CFAP44: variants seen among roughly 807,000 people sequenced by gnomAD.
CFAP44 encodes the protein cilia and flagella associated protein 44.
CFAP44 carries 134 observed loss-of-function variants against 216.2 expected under a neutral mutation model. The observed-to-expected ratio is 0.62, with a 90% CI of 0.54 to 0.72. The LOEUF (loss-of-function observed/expected upper bound fraction) is 0.72. CFAP44 is among the 30% of genes least tolerant of loss of function. CFAP44 has a pLI of 0.00. For missense variants in CFAP44, 2,035 were observed against 2,182.1 expected, an observed-to-expected ratio of 0.93 and a Z score of 1.34; for synonymous variants, 700 against 727.6, an observed-to-expected ratio of 0.96 and a Z score of 0.61.
Position 113,366,187 on chromosome 3 carries a change from T to C in CFAP44, c.2567A>G (p.Asn856Ser), listed in dbSNP as rs1456955700. The C allele has an allele frequency of 6.2e-7, 1 of 1,614,112 alleles. No homozygotes were observed. The highest frequency in any genetic ancestry group is 1.7e-5 in the Admixed American group (1 of 60,020). The change falls in exon 19 of 35, where the codon AAT (asparagine) becomes AGT (serine). Residue 856 changes from asparagine (N) to serine (S), a missense_variant. Asn to Ser is a conservative substitution (Grantham distance 46). Around this residue, in one of 3 missense-constraint regions of CFAP44, gnomAD observed 1,883 missense variants for 2,023.7 expected, o/e 0.93. Coordinates refer to ENST00000393845, the MANE Select transcript of CFAP44 (RefSeq NM_001164496.2). The part of the protein sequence containing the change: ...VDYWHFNMHD[N>S]NYGCIKSIAN... ...AATACTTTTAATACATCCATAATTA[T>C]TGTCATGCATATTGAAGTGCCAGTA...
intron 22 of CFAP44, among the ~76,000 whole-genome samples, chr3:113,355,828 T>C (rs1423786376): frequency 6.6e-6 from 1 of 151,208 alleles, no homozygotes; most frequent in Non-Finnish European, 1.5e-5. Context: ...GCACCTACAA[T>C]GTAAAATTTA....
At chr3:113,400,124 T>C in intron 12 of CFAP44, 124 bp from the exon 13 acceptor site, 2 of 602,242 alleles carry the variant, frequency 3.3e-6, no homozygotes, top group Non-Finnish European at 5.3e-6. Flanking sequence ...AATAACTTTC[T>C]TTTGTAAAAA....
chr3:113,366,071 T>C lies in CFAP44; in HGVS notation c.2683A>G (p.Lys895Glu), dbSNP rs147025470. 27 of 1,613,566 alleles carry C rather than the reference T, an allele frequency of 1.7e-5. No homozygotes were observed. The African/African-American group carries it at 3.6e-4, about 22-fold the overall frequency. ...GATGGAACTTTGGCCTTCATGTCTT[T>C]CCTTAGCATAAATTCAGAAAAAATG... ...FNIFSEFMLR[K>E]DMKAKVPSPR... The change falls in exon 19 of 35, where the codon AAA becomes GAA. Residue 895 changes from lysine to glutamate, a missense_variant. Lys to Glu is a moderately conservative substitution (Grantham distance 56). Coordinates refer to ENST00000393845, the MANE Select transcript of CFAP44 (RefSeq NM_001164496.2).
chr3:113,373,701 T>A, intron 17 of CFAP44, 145 bp from the exon 18 acceptor site: 3 of 662,906 alleles, frequency 4.5e-6, no homozygotes, highest in Non-Finnish European at 6.7e-6. Flanking sequence ...TGATTATAGA[T>A]TTATTATTTC....
At chr3:113,436,231 T>A (rs1278963774) in intron 1 of CFAP44, among the ~76,000 whole-genome samples, 3 of 147,680 alleles carry the variant, frequency 2.0e-5, no homozygotes, top group Non-Finnish European at 4.5e-5. Context: ...CTACAGTGAG[T>A]AACTGTTTTT....
chr3:113,287,136 T>A lies in CFAP44; in HGVS notation c.*4421A>T. The A allele has an allele frequency of 2.2e-6, 1 of 462,304 alleles. No individual in the cohort carries two copies. Among genetic ancestry groups the A allele is most frequent in the Non-Finnish European group, 4.2e-6 (1 of 240,188 alleles). The allele number at this position is 462,304 out of a possible 1,614,324, so 28.6% of individuals were successfully genotyped here. ...GCTGGCGCGGGACAGACTCCTAACC[T>A]GGGGCCTCTGCAGTGGCAGGCGAGG... On this transcript the variant is annotated 3_prime_UTR_variant, in exon 35 of 35. Transcript: ENST00000393845.
At chr3:113,355,548 T>A (rs1356814689) in intron 22 of CFAP44, among the ~76,000 whole-genome samples, 1 of 152,112 alleles carries the variant, frequency 6.6e-6, no homozygotes, top group Non-Finnish European at 1.5e-5. Flanking sequence ...TAAAAAAGGA[T>A]GAGTTCATGT....
At chr3:113,406,611 G>A (rs1362918896) in intron 8 of CFAP44, among the ~76,000 whole-genome samples, 34 of 148,544 alleles carry the variant, frequency 2.3e-4, no homozygotes, top group Admixed American at 1.0e-3. Context: ...GCAACAGAGC[G>A]AGACCCTGTC....
intron 18 of CFAP44, among the ~76,000 whole-genome samples, chr3:113,370,411 C>T (rs775556094): frequency 4.6e-5 from 7 of 152,212 alleles, no homozygotes; most frequent in Non-Finnish European, 1.0e-4. Context: ...CCCTGGGATG[C>T]AAGGCTGGTT....
At chr3:113,391,685 G>C (rs575655280) in intron 15 of CFAP44, among the ~76,000 whole-genome samples, 1 of 151,624 alleles carries the variant, frequency 6.6e-6, no homozygotes, top group Non-Finnish European at 1.5e-5. Context: ...AATATATAAG[G>C]AGCCCAAACA....
At chr3:113,326,404 A>C (rs1950190017) in intron 28 of CFAP44, 41 bp downstream of exon 28, 1 of 1,441,584 alleles carries the variant, frequency 6.9e-7, no homozygotes, top group Non-Finnish European at 9.1e-7. Flanking sequence ...TTTCATGTTA[A>C]TGAGAGAAAA....
chr3:113,305,000 T>G, intron 31 of CFAP44, 36 bp downstream of exon 31: 3 of 1,523,498 alleles, frequency 2.0e-6, no homozygotes, highest in Non-Finnish European at 2.6e-6. Flanking sequence ...ATGACTCTTC[T>G]CGGACAGGAT....
chr3:113,391,949 T>C lies in CFAP44; in HGVS notation c.1890+3801A>G, dbSNP rs548482506. Reference sequence around the variant, plus strand: ...GTAAATTATACTGTTGGTAGGAATGTAAATTAGTACAACCACTATGGAGAA... The same window carrying C: ...GTAAATTATACTGTTGGTAGGAATGCAAATTAGTACAACCACTATGGAGAA... On this transcript the variant is annotated intron_variant, in intron 15 of 34. Transcript: ENST00000393845. 2.0e-4 allele frequency among the ~76,000 whole-genome samples: 31 copies of C among 152,254 alleles called. No individual in the cohort carries two copies. The South Asian group carries it at 6.4e-3, about 32-fold the overall frequency.
At chr3:113,410,539 G>A (rs538046049) in intron 6 of CFAP44, among the ~76,000 whole-genome samples, 39 of 152,056 alleles carry the variant, frequency 2.6e-4, no homozygotes, top group Non-Finnish European at 4.7e-4. Context: ...TCTTAATCCC[G>A]TCTATCATTG....
At chr3:113,384,494 T>G (rs1418514965) in intron 15 of CFAP44, among the ~76,000 whole-genome samples, 1 of 152,190 alleles carries the variant, frequency 6.6e-6, no homozygotes, top group Non-Finnish European at 1.5e-5. Flanking sequence ...TGGGGATAGA[T>G]CTTTAAAAGA....
At chr3:113,365,356 C>A (rs532336955) in intron 19 of CFAP44, among the ~76,000 whole-genome samples, 1 of 152,204 alleles carries the variant, frequency 6.6e-6, no homozygotes, top group African/African-American at 2.4e-5. Flanking sequence ...CCAATATGTT[C>A]AAAGGAATTT....
At chr3:113,379,048 C>A (rs1261919837) in intron 17 of CFAP44, among the ~76,000 whole-genome samples, 3 of 152,036 alleles carry the variant, frequency 2.0e-5, no homozygotes, top group African/African-American at 7.2e-5. Context: ...AATAGATAAT[C>A]TATAATCTAT....
chr3:113,311,664 T>A (rs532333328), intron 28 of CFAP44, among the ~76,000 whole-genome samples: 1 of 152,204 alleles, frequency 6.6e-6, no homozygotes, highest in South Asian at 2.1e-4. Flanking sequence ...TGAACAGATA[T>A]CCAAAAATAT....
chr3:113,439,615 T>C (rs1047849501), intron 1 of CFAP44, among the ~76,000 whole-genome samples: 10 of 152,226 alleles, frequency 6.6e-5, no homozygotes, highest in East Asian at 5.8e-4. Context: ...CGAATAAACA[T>C]CATCTTCTTT....
Sources: allele counts gnomAD v4.1 joint callset (sites outside exome capture counted in the v4.1 genomes callset), GRCh38; gene constraint gnomAD v4.1.1; regional missense constraint gnomAD v4.1.1; transcripts MANE v1.5; gene names NCBI Gene and HGNC (gene_info 2026-07-23, HGNC 2026-07-21).